The following MEP1B variants were observed in gnomAD, a reference collection of about 807,000 sequenced individuals.
MEP1B encodes N-benzoyl-L-tyrosyl-P-amino-benzoic acid hydrolase subunit beta.
Under a neutral mutation model 84.6 loss-of-function variants are expected in MEP1B, and 80 were observed. The observed-to-expected ratio is 0.95, with a 90% CI of 0.79 to 1.14. The LOEUF (loss-of-function observed/expected upper bound fraction) is 1.14. MEP1B is among the 50% of genes most tolerant of loss of function. The probability of loss-of-function intolerance (pLI) is 0.00; values close to 1 mark genes in which losing one functional copy is unlikely to be tolerated. For missense variants in MEP1B, 766 were observed against 855.1 expected (o/e 0.90, Z 1.30); for synonymous variants, 273 against 288.1 (o/e 0.95, Z 0.53).
chr18:32,216,016 A>C (rs561631141), intron 12 of MEP1B, among the ~76,000 whole-genome samples: 72 of 94,168 alleles, frequency 7.6e-4, no homozygotes, highest in African/African-American at 1.7e-3. Context: ...ATATATATAT[A>C]TATCTTGACA....
chr18:32,207,397 T>G lies in MEP1B; in HGVS notation c.693T>G (p.Phe231Leu). 6.2e-7 allele frequency: 1 copy of G among 1,613,488 alleles called. No homozygotes were observed. Among genetic ancestry groups the G allele is most frequent in the Non-Finnish European group, 8.5e-7 (1 of 1,179,658 alleles). Reference sequence around the variant, plus strand: ...CAATTGTCACAAGAATCTCAGACTTTGAGGATGTGATCGGCCAACGAATGG... The same window carrying G: ...CAATTGTCACAAGAATCTCAGACTTGGAGGATGTGATCGGCCAACGAATGG... ...EPTIVTRISD[F>L]EDVIGQRMDF... is the part of the protein sequence containing the mutation. The change falls in exon 8 of 15, where the codon TTT becomes TTG. Residue 231 changes from phenylalanine to leucine, a missense_variant. Phe to Leu is a conservative substitution (Grantham distance 22). Transcript: ENST00000269202.
intron 12 of MEP1B, among the ~76,000 whole-genome samples, chr18:32,215,727 G>A (rs532468610): frequency 1.5e-4 from 23 of 152,252 alleles, no homozygotes; most frequent in African/African-American, 4.1e-4. Flanking sequence ...GGGAGGCTGA[G>A]GCAGGAGAAT....
At chr18:32,208,406 T>A in intron 9 of MEP1B, 135 bp downstream of exon 9, 1 of 908,062 alleles carries the variant, frequency 1.1e-6, no homozygotes, top group Non-Finnish European at 1.6e-6. Context: ...TACTGAGAAG[T>A]AGGCCTTGCA....
chr18:32,213,609 G>C (rs1363439447), intron 11 of MEP1B, 50 bp downstream of exon 11: 3 of 1,411,612 alleles, frequency 2.1e-6, no homozygotes, highest in Non-Finnish European at 3.0e-6. Context: ...TGCTCTAGGA[G>C]GGACTGATAA....
intron 5 of MEP1B, 54 bp from the exon 6 acceptor site, chr18:32,202,839 T>A: frequency 8.7e-7 from 1 of 1,151,676 alleles, no homozygotes; most frequent in South Asian, 1.3e-5. Context: ...CATGGAAGAT[T>A]TTTCAGTGGT....
chr18:32,210,436 A>G lies in MEP1B; in HGVS notation c.920-65A>G, dbSNP rs1165720905. ...CTCGCGTAAAGAATCTAGCACCACCATTAACAAACACACATTCCTATACCC... is the reference window on the plus strand; with the variant it reads ...CTCGCGTAAAGAATCTAGCACCACCGTTAACAAACACACATTCCTATACCC... On this transcript the variant is annotated intron_variant, in intron 9 of 14. Coordinates refer to ENST00000269202, the MANE Select transcript of MEP1B (RefSeq NM_005925.3). 3 of 1,371,336 alleles carry G rather than the reference A, an allele frequency of 2.2e-6. No individual in the cohort carries two copies. The Admixed American group carries it at 6.1e-5, about 28-fold the overall frequency. 84.9% of individuals were successfully genotyped at this position (1,371,336 alleles called of 1,614,324 possible). A position where few individuals can be genotyped will look rare whatever the true frequency, so the allele number is the denominator to read the frequency against.
chr18:32,199,447 A>G (rs1158894511), intron 5 of MEP1B, among the ~76,000 whole-genome samples: 1 of 152,146 alleles, frequency 6.6e-6, no homozygotes, highest in East Asian at 1.9e-4. Flanking sequence ...AGAAACATAG[A>G]TAAAAAACTA....
intron 9 of MEP1B, among the ~76,000 whole-genome samples, chr18:32,208,506 A>G (rs2040989397): frequency 2.0e-5 from 3 of 152,142 alleles, no homozygotes; most frequent in African/African-American, 2.4e-5. Flanking sequence ...TGATGCCTCT[A>G]CCAGTGCGTT....
chr18:32,191,699 G>C, intron 1 of MEP1B, 123 bp from the exon 2 acceptor site: 1 of 582,584 alleles, frequency 1.7e-6, no homozygotes, highest in East Asian at 3.1e-5. Context: ...TACATGTCAG[G>C]AAGTAATCCA....
At chr18:32,214,703 C>T (rs1368771835) in intron 11 of MEP1B, among the ~76,000 whole-genome samples, 1 of 152,194 alleles carries the variant, frequency 6.6e-6, no homozygotes, top group African/African-American at 2.4e-5. Flanking sequence ...TTTAACTGGA[C>T]AATCTGTAAC....
intron 7 of MEP1B, among the ~76,000 whole-genome samples, chr18:32,205,990 T>C (rs1225526222): frequency 6.6e-6 from 1 of 152,144 alleles, no homozygotes; most frequent in Non-Finnish European, 1.5e-5. Flanking sequence ...TTTATTTATT[T>C]ATTTATTTTG....
chr18:32,208,080 G>A (rs1483656604), intron 8 of MEP1B, 39 bp from the exon 9 acceptor site: 2 of 1,603,524 alleles, frequency 1.2e-6, no homozygotes, highest in Admixed American at 1.7e-5. Flanking sequence ...AGATTATCAT[G>A]TTGTATGAGT....
intron 2 of MEP1B, among the ~76,000 whole-genome samples, chr18:32,192,172 G>A (rs767528082): frequency 3.9e-5 from 6 of 152,026 alleles, no homozygotes; most frequent in East Asian, 1.9e-4. Context: ...TTGCATACTC[G>A]GAGATTTGGC....
intron 10 of MEP1B, 26 bp from the exon 11 acceptor site, chr18:32,213,090 T>C: frequency 6.3e-7 from 1 of 1,598,958 alleles, no homozygotes; most frequent in Non-Finnish European, 8.6e-7. Context: ...TTCTTTGTCT[T>C]TGAAATAATA....
intron 4 of MEP1B, 50 bp from the exon 5 acceptor site, chr18:32,195,357 A>G (rs567893579): frequency 1.8e-5 from 21 of 1,165,840 alleles, no homozygotes; most frequent in Middle Eastern, 1.9e-4. Context: ...AGGTTTCCTA[A>G]GTGTTTGCCT....
chr18:32,215,234 G>A lies in MEP1B; in HGVS notation c.1732G>A (p.Asp578Asn), dbSNP rs1388270169. The A allele has an allele frequency of 1.2e-6, 2 of 1,608,492 alleles. No homozygotes were observed. The highest frequency in any genetic ancestry group is 2.2e-5 in the East Asian group (1 of 44,802). The change falls in exon 12 of 15, where the codon GAT becomes AAT. Residue 578 changes from aspartate to asparagine, a missense_variant. By Grantham distance (23) the Asp-to-Asn change is conservative. Transcript: ENST00000269202. ...LKSRDFIKGD[D>N]VYILLTVEDI... is the part of the protein sequence containing the mutation. The stretch of plus-strand genomic sequence containing the variant: ...AAGCAGAGATTTTATAAAAGGAGAT[G>A]ATGTTTATATCCTACTGACAGTGGA...
intron 9 of MEP1B, 78 bp from the exon 10 acceptor site, chr18:32,210,423 A>T (rs976403759): frequency 6.4e-5 from 79 of 1,242,708 alleles, no homozygotes; most frequent in Non-Finnish European, 8.2e-5. Context: ...CGCGTAAAGA[A>T]TCTAGCACCA....
intron 7 of MEP1B, among the ~76,000 whole-genome samples, chr18:32,206,430 C>CTTT (rs34535020): frequency 7.5e-6 from 1 of 133,720 alleles, no homozygotes; most frequent in Non-Finnish European, 1.6e-5. Flanking sequence ...TTCAACAACA[C>CTTT]TTTTTTTTTT....
intron 10 of MEP1B, among the ~76,000 whole-genome samples, chr18:32,211,703 C>T (rs1040574763): frequency 6.6e-6 from 1 of 152,042 alleles, no homozygotes; most frequent in African/African-American, 2.4e-5. Context: ...AGAGGAGAGC[C>T]ATGTTGACCA....
Sources: gnomAD v4.1 joint callset for allele counts (sites outside exome capture counted in the v4.1 genomes callset) on GRCh38, gnomAD v4.1.1 for gene constraint, MANE v1.5 for transcripts, NCBI Gene and HGNC (gene_info 2026-07-23, HGNC 2026-07-21) for gene names.